Variants in PCDHGB7 observed in about 807,000 individuals in gnomAD.
PCDHGB7 encodes protocadherin gamma subfamily B, 7.
A neutral mutation model predicts 61.4 loss-of-function variants in PCDHGB7; 37 were observed. The observed-to-expected ratio is 0.60, with a 90% CI of 0.46 to 0.79. PCDHGB7 has a LOEUF of 0.79. Among genes scored for constraint, PCDHGB7 ranks in the 30% least tolerant of loss-of-function variants. PCDHGB7 has a pLI of 0.00. For synonymous variants in PCDHGB7, 464 were observed against 503.5 expected (o/e 0.92, Z 1.05); for missense variants, 1,166 against 1,202.5 (o/e 0.97, Z 0.45).
intron 1 of PCDHGB7, among the ~76,000 whole-genome samples, chr5:141,462,264 G>A (rs966953621): frequency 1.3e-5 from 2 of 152,174 alleles, no homozygotes; most frequent in African/African-American, 4.8e-5. Context: ...CCAGCCTAAA[G>A]TGTATTGTTT....
chr5:141,451,739 G>A (rs1343538104), intron 1 of PCDHGB7, among the ~76,000 whole-genome samples: 1 of 152,082 alleles, frequency 6.6e-6, no homozygotes, highest in East Asian at 1.9e-4. Flanking sequence ...AAAATTAGCT[G>A]GTCTGGTGGT....
At position 141,493,412 on chromosome 5, in the gene PCDHGB7, G is replaced by A. The variant is rs1288041038; in HGVS notation, c.2416-1395G>A. Among the ~76,000 whole-genome samples, 3 of 152,114 alleles carry A rather than the reference G, an allele frequency of 2.0e-5. No individual in the cohort carries two copies. The highest frequency in any genetic ancestry group is 4.4e-5 in the Non-Finnish European group (3 of 68,024). On this transcript the variant is annotated intron_variant, in intron 1 of 3. Coordinates refer to ENST00000398594, the MANE Select transcript of PCDHGB7 (RefSeq NM_018927.4). This position sits in a 1 kb window ranked among gnomAD's most constrained non-coding sequence, Gnocchi z 4.3. ...CAGGAGAGGGGAGTTGCCTCTGCTG[G>A]GATTTTGCTTCTGCTGGGATGGGGC...
At position 141,485,359 on chromosome 5, in the gene PCDHGB7, C is replaced by G. The variant is rs1233826208; in HGVS notation, c.2416-9448C>G. 6.2e-7 allele frequency: 1 copy of G among 1,614,026 alleles called. No individual in the cohort carries two copies. The highest frequency in any genetic ancestry group is 8.5e-7 in the Non-Finnish European group (1 of 1,180,018). On this transcript the variant is annotated intron_variant, in intron 1 of 3. Transcript: ENST00000398594. This position sits in a 1 kb window ranked among gnomAD's most constrained non-coding sequence, Gnocchi z 5.7. ...TGGATACGGACAGTCTGTCAGCTCG[C>G]AGGCTGCAGGTCGCTGGAGAGGTGA...
Position 141,491,944 on chromosome 5 carries a change from C to T in PCDHGB7, c.2416-2863C>T, listed in dbSNP as rs1245968796. ...CGAGGGGAGGTGGGACCGACCCCCACCCCTACACTCAAAAAAGGCCGGGGC... is the reference window on the plus strand; with the variant it reads ...CGAGGGGAGGTGGGACCGACCCCCATCCCTACACTCAAAAAAGGCCGGGGC... On this transcript the variant is annotated intron_variant, in intron 1 of 3. Transcript: ENST00000398594. This position sits in a 1 kb window ranked among gnomAD's most constrained non-coding sequence, Gnocchi z 6.9. The T allele has an allele frequency of 1.8e-6, 2 of 1,120,156 alleles. No individual in the cohort carries two copies. Among genetic ancestry groups the T allele is most frequent in the Non-Finnish European group, 2.4e-6 (2 of 822,072 alleles). The allele number at this position is 1,120,156 out of a possible 1,614,324, so 69.4% of individuals were successfully genotyped here. A position where few individuals can be genotyped will look rare whatever the true frequency, so the allele number is the denominator to read the frequency against.
rs2099391466 is a variant in PCDHGB7, at chr5:141,476,424, C to T, written c.2416-18383C>T. ...GAGGAGCTGTGTGGGACACTGCCCT[C>T]TTGCACTGTAACTCTGGAGTTGGTA... is the stretch of plus-strand genomic sequence containing the variant. On this transcript the variant is annotated intron_variant, in intron 1 of 3. Coordinates refer to ENST00000398594, the MANE Select transcript of PCDHGB7 (RefSeq NM_018927.4). This position sits in a 1 kb window ranked among gnomAD's most constrained non-coding sequence, Gnocchi z 7.6. 1 of 1,613,978 alleles carries T rather than the reference C, an allele frequency of 6.2e-7. No individual in the cohort carries two copies. The highest frequency in any genetic ancestry group is 1.1e-5 in the South Asian group (1 of 91,076).
At position 141,493,157 on chromosome 5, in the gene PCDHGB7, T is replaced by C. The variant is rs1261889479; in HGVS notation, c.2416-1650T>C. ...TTGAAACACCCCCAGGTGATTTTGATAGCTGATTGAGAGAAACTTACTATA... is the reference window on the plus strand; with the variant it reads ...TTGAAACACCCCCAGGTGATTTTGACAGCTGATTGAGAGAAACTTACTATA... On this transcript the variant is annotated intron_variant, in intron 1 of 3. Coordinates refer to ENST00000398594, the MANE Select transcript of PCDHGB7 (RefSeq NM_018927.4). This position sits in a 1 kb window ranked among gnomAD's most constrained non-coding sequence, Gnocchi z 4.3. 2.0e-5 allele frequency among the ~76,000 whole-genome samples: 3 copies of C among 152,224 alleles called. No individual in the cohort carries two copies. Among genetic ancestry groups the C allele is most frequent in the Admixed American group, 6.5e-5 (1 of 15,286 alleles).
At chr5:141,458,727 A>G (rs1424554234) in intron 1 of PCDHGB7, among the ~76,000 whole-genome samples, 1 of 151,570 alleles carries the variant, frequency 6.6e-6, no homozygotes, top group East Asian at 1.9e-4. Flanking sequence ...TCGCCACCAC[A>G]TCCAGCTATT....
At chr5:141,420,687 G>T (rs2096517632) in intron 1 of PCDHGB7, among the ~76,000 whole-genome samples, 1 of 152,182 alleles carries the variant, frequency 6.6e-6, no homozygotes, top group South Asian at 2.1e-4. Flanking sequence ...TATCGGGACC[G>T]TATTATTTCC....
At chr5:141,422,636 C>T in intron 1 of PCDHGB7, 3 of 1,612,584 alleles carry the variant, frequency 1.9e-6, no homozygotes, top group Non-Finnish European at 2.5e-6. Context: ...CCCAGGGGTG[C>T]CTCCATCTTC....
intron 1 of PCDHGB7, among the ~76,000 whole-genome samples, chr5:141,442,789 T>C (rs2098343347): frequency 6.6e-6 from 1 of 152,196 alleles, no homozygotes; most frequent in African/African-American, 2.4e-5. Flanking sequence ...ATTTTATAAT[T>C]TTACTTTGAT....
At chr5:141,443,760 T>C (rs894568340) in intron 1 of PCDHGB7, among the ~76,000 whole-genome samples, 20 of 152,040 alleles carry the variant, frequency 1.3e-4, no homozygotes, top group African/African-American at 4.6e-4. Context: ...AAGCTTACAA[T>C]ATACAATATT....
chr5:141,483,711 A>G (rs1258383632), intron 1 of PCDHGB7, among the ~76,000 whole-genome samples: 2 of 152,122 alleles, frequency 1.3e-5, no homozygotes, highest in African/African-American at 2.4e-5. Context: ...TGACACCAGA[A>G]TATTGGTTCC....
chr5:141,420,076 TC>T lies in PCDHGB7; in HGVS notation c.2223del (p.Asn742ThrfsTer20), dbSNP rs2096464805. The T allele has an allele frequency of 1.2e-6, 2 of 1,613,956 alleles. No homozygotes were observed. Among genetic ancestry groups the T allele is most frequent in the East Asian group, 2.2e-5 (1 of 44,874 alleles). On this transcript the variant is annotated frameshift_variant, in exon 1 of 4. Coordinates refer to ENST00000398594, the MANE Select transcript of PCDHGB7 (RefSeq NM_018927.4). LOFTEE classifies it high-confidence loss of function. Reference protein sequence around the residue: ...VLCSKSGPVGPPNYSEGTLPY... With the variant: ...VLCSKSGPVGXPNYSEGTLPY... ...TCTGCTCCAAGTCCGGACCTGTGGG[TC>T]CCCCCAACTACAGTGAGGGAACGTT...
At chr5:141,428,188 G>T in intron 1 of PCDHGB7, 1 of 1,433,356 alleles carries the variant, frequency 7.0e-7, no homozygotes. Flanking sequence ...GACAGCCGCC[G>T]CTCTCTGCGC....
At chr5:141,430,946 G>A (rs2097328634) in intron 1 of PCDHGB7, 1 of 1,609,494 alleles carries the variant, frequency 6.2e-7, no homozygotes, top group Non-Finnish European at 8.5e-7. Flanking sequence ...CGCGGAGCGC[G>A]GAGTCCGCAT....
At chr5:141,459,300 A>G (rs954766370) in intron 1 of PCDHGB7, among the ~76,000 whole-genome samples, 2 of 152,202 alleles carry the variant, frequency 1.3e-5, no homozygotes, top group Non-Finnish European at 2.9e-5. Context: ...ATCCTATAAC[A>G]TATACTATTT....
Position 141,490,503 on chromosome 5 carries a change from C to A in PCDHGB7, c.2416-4304C>A, listed in dbSNP as rs2099701103. On this transcript the variant is annotated intron_variant, in intron 1 of 3. Coordinates refer to ENST00000398594, the MANE Select transcript of PCDHGB7 (RefSeq NM_018927.4). The surrounding 1 kb of genome is among the most constrained non-coding windows in gnomAD (Gnocchi z 5.4). ...ACCGGGAGGCCACATCCCACTATAT[C>A]ATCGAGCTGCTGGCCAGCGATGCTG... 3.7e-6 allele frequency: 6 copies of A among 1,614,206 alleles called. No individual in the cohort carries two copies. In the African/African-American group the frequency reaches 8.0e-5, roughly 22 times the overall value.
chr5:141,470,597 T>A (rs1309687738), intron 1 of PCDHGB7, among the ~76,000 whole-genome samples: 5 of 152,216 alleles, frequency 3.3e-5, no homozygotes, highest in Non-Finnish European at 7.3e-5. Flanking sequence ...AGGCGACCTG[T>A]GCGGGGACAC....
chr5:141,473,887 C>T (rs887871337), intron 1 of PCDHGB7, among the ~76,000 whole-genome samples: 3 of 152,144 alleles, frequency 2.0e-5, no homozygotes, highest in Non-Finnish European at 2.9e-5. Context: ...CACAAGGGTT[C>T]TGTTGGTTCA....
Sources: allele counts gnomAD v4.1 joint callset (sites outside exome capture counted in the v4.1 genomes callset), GRCh38; gene constraint gnomAD v4.1.1; non-coding constraint Gnocchi (gnomAD v3.1); transcripts MANE v1.5; gene names NCBI Gene and HGNC (gene_info 2026-07-23, HGNC 2026-07-21).